The following SEM1 variants were observed in gnomAD, a reference collection of about 807,000 sequenced individuals.
The protein encoded by SEM1 is 26S proteasome complex subunit SEM1.
A neutral mutation model predicts 12.7 loss-of-function variants in SEM1; 3 were observed. The observed-to-expected ratio is 0.24, with a 90% CI of 0.11 to 0.61. The LOEUF (loss-of-function observed/expected upper bound fraction) is 0.61, where lower values mean the gene tolerates loss of function less well. SEM1 is among the 20% of genes least tolerant of loss of function. The probability of loss-of-function intolerance (pLI) is 0.88; values close to 1 mark genes in which losing one functional copy is unlikely to be tolerated. For synonymous variants in SEM1, 30 were observed against 27.8 expected, an observed-to-expected ratio of 1.08 and a Z score of -0.25; for missense variants, 59 against 81.3, an observed-to-expected ratio of 0.73 and a Z score of 1.06.
chr7:96,495,932 A>G (rs773781677), intron 1 of SEM1, among the ~76,000 whole-genome samples: 7 of 152,098 alleles, frequency 4.6e-5, no homozygotes, highest in Non-Finnish European at 1.0e-4. Context: ...ACCTACACAC[A>G]TACACCACCT....
At chr7:96,549,185 G>A (rs912387822) in intron 2 of SEM1, among the ~76,000 whole-genome samples, 1 of 152,178 alleles carries the variant, frequency 6.6e-6, no homozygotes, top group Non-Finnish European at 1.5e-5. Context: ...AGGAACATGA[G>A]GGTTGGTAGA....
chr7:96,499,089 A>G (rs927185760), upstream of SEM1, among the ~76,000 whole-genome samples: 2 of 152,182 alleles, frequency 1.3e-5, no homozygotes. Flanking sequence ...TGAAGTAATC[A>G]TATTTGTTCT....
At chr7:96,628,240 G>A (rs1284646613) in intron 2 of SEM1, among the ~76,000 whole-genome samples, 1 of 151,892 alleles carries the variant, frequency 6.6e-6, no homozygotes, top group South Asian at 2.1e-4. Context: ...TACATTCAAT[G>A]TAATTATTGA....
chr7:96,615,757 C>T (rs1218464353), intron 2 of SEM1, among the ~76,000 whole-genome samples: 1 of 152,136 alleles, frequency 6.6e-6, no homozygotes, highest in Non-Finnish European at 1.5e-5. Flanking sequence ...ACCTTCCCAC[C>T]TTTTGTAGTC....
At chr7:96,661,325 G>A (rs1221390972) in intron 2 of SEM1, among the ~76,000 whole-genome samples, 1 of 152,166 alleles carries the variant, frequency 6.6e-6, no homozygotes, top group Non-Finnish European at 1.5e-5. Flanking sequence ...GGATTGGAAA[G>A]ACTCCAAATC....
At chr7:96,603,416 GGAA>G (rs1396256378) in intron 2 of SEM1, among the ~76,000 whole-genome samples, 1 of 152,124 alleles carries the variant, frequency 6.6e-6, no homozygotes, top group East Asian at 1.9e-4. Context: ...GAGCTATGGA[GGAA>G]GATGTGGCTG....
chr7:96,703,272 T>C (rs1051201544), intron 1 of SEM1, among the ~76,000 whole-genome samples: 3 of 152,178 alleles, frequency 2.0e-5, no homozygotes, highest in Non-Finnish European at 4.4e-5. Context: ...GCTCAACCTA[T>C]AGTAATGCAT....
At chr7:96,574,266 C>T (rs1370553989) in intron 2 of SEM1, among the ~76,000 whole-genome samples, 2 of 152,150 alleles carry the variant, frequency 1.3e-5, no homozygotes, top group African/African-American at 2.4e-5. Flanking sequence ...GACATGAACT[C>T]ATCATTTTTT....
At chr7:96,495,264 A>G (rs1803195493) in intron 1 of SEM1, among the ~76,000 whole-genome samples, 1 of 152,196 alleles carries the variant, frequency 6.6e-6, no homozygotes, top group Non-Finnish European at 1.5e-5. Flanking sequence ...GTATTTAGAT[A>G]GACTTTTTCA....
intron 1 of SEM1, among the ~76,000 whole-genome samples, chr7:96,707,521 A>G (rs964510265): frequency 5.3e-5 from 8 of 152,258 alleles, no homozygotes; most frequent in African/African-American, 1.9e-4. Context: ...AATTCTACAC[A>G]TTTATACCTG....
At chr7:96,693,813 C>A (rs976830717) in intron 2 of SEM1, among the ~76,000 whole-genome samples, 4 of 135,410 alleles carry the variant, frequency 3.0e-5, no homozygotes, top group Admixed American at 7.3e-5. Context: ...TATAAAATTT[C>A]TTTTCAAAAG....
At chr7:96,594,618 TTA>T (rs1806939169) in intron 2 of SEM1, among the ~76,000 whole-genome samples, 1 of 152,196 alleles carries the variant, frequency 6.6e-6, no homozygotes, top group Non-Finnish European at 1.5e-5. Flanking sequence ...CTTCCAAATA[TTA>T]AGTGTTTTTT....
intron 2 of SEM1, among the ~76,000 whole-genome samples, chr7:96,659,651 A>T (rs952524944): frequency 6.6e-6 from 1 of 152,142 alleles, no homozygotes; most frequent in Non-Finnish European, 1.5e-5. Context: ...TGGAAGAAAG[A>T]CTGATTAGAA....
At chr7:96,670,644 A>C (rs917013667), downstream of SEM1, among the ~76,000 whole-genome samples, 2 of 152,218 alleles carry the variant, frequency 1.3e-5, no homozygotes, top group African/African-American at 2.4e-5. Flanking sequence ...CAAATTTCTA[A>C]ACTGAAGCAT....
chr7:96,546,265 A>G (rs1805099483), intron 2 of SEM1, among the ~76,000 whole-genome samples: 1 of 152,078 alleles, frequency 6.6e-6, no homozygotes, highest in South Asian at 2.1e-4. Flanking sequence ...GGAACTCACC[A>G]TCGGAGGGGA....
rs36005537 is a variant in SEM1 at position 96,591,828 on chromosome 7, C to G, written c.171-85130G>C. ...AGGCAATGGAGTTTTTTTTTTTTTT[C>G]CTTTCAAAACAACAGACATTTGCTA... On this transcript the variant is annotated intron_variant and NMD_transcript_variant, in intron 2 of 3. Transcript: ENST00000466986. Among the ~76,000 whole-genome samples the G allele has an allele frequency of 5.4e-3, 579 of 108,152 alleles. 4 individuals carry two copies. The highest frequency in any genetic ancestry group is 0.018 in the African/African-American group (547 of 31,176). 71.0% of individuals were successfully genotyped at this position (108,152 alleles called of 152,430 possible).
At chr7:96,602,388 A>C (rs1287588244) in intron 2 of SEM1, among the ~76,000 whole-genome samples, 3 of 152,188 alleles carry the variant, frequency 2.0e-5, no homozygotes, top group Non-Finnish European at 2.9e-5. Context: ...GGGGCTGAAT[A>C]ATTGATTTGT....
chr7:96,522,587 T>C (rs1461453613), intron 2 of SEM1, among the ~76,000 whole-genome samples: 2 of 146,674 alleles, frequency 1.4e-5, no homozygotes, highest in South Asian at 2.1e-4. Context: ...AAAAAAAAGA[T>C]GTTGTTGGGG....
intron 2 of SEM1, among the ~76,000 whole-genome samples, chr7:96,541,431 G>GTTTTTTTTTTTTTTTT (rs55863103): frequency 8.2e-6 from 1 of 121,488 alleles, no homozygotes; most frequent in African/African-American, 3.8e-5. Context: ...TTTTTAATGG[G>GTTTTTTTTTTTTTTTT]TTTTTTTTTT....
Sources: allele counts gnomAD v4.1 joint callset (sites outside exome capture counted in the v4.1 genomes callset), GRCh38; gene constraint gnomAD v4.1.1; transcripts MANE v1.5; gene names NCBI Gene and HGNC (gene_info 2026-07-23, HGNC 2026-07-21).